The following TEX2 variants were observed in gnomAD, a reference collection of about 807,000 sequenced individuals.
TEX2 encodes the protein testis expressed 2, also known as testis-expressed protein 2.
In TEX2, 53 loss-of-function variants were observed where a neutral mutation model predicts 106.9. The observed-to-expected ratio is 0.50, with a 90% confidence interval of 0.40 to 0.62. The LOEUF (loss-of-function observed/expected upper bound fraction) is 0.62. TEX2 is among the 20% of genes least tolerant of loss of function. The pLI, the probability that TEX2 is intolerant of heterozygous loss-of-function variation, is 0.00. For missense variants in TEX2, 1,207 were observed against 1,379.0 expected, an observed-to-expected ratio of 0.88 and a Z score of 1.98; for synonymous variants, 523 against 534.8, an observed-to-expected ratio of 0.98 and a Z score of 0.30.
chr17:64,188,524 T>C, intron 4 of TEX2, 109 bp from the exon 5 acceptor site: 1 of 1,529,086 alleles, frequency 6.5e-7, no homozygotes, highest in South Asian at 1.3e-5. Context: ...TGTTTAAAAA[T>C]ATTTATAAGG....
intron 1 of TEX2, among the ~76,000 whole-genome samples, chr17:64,233,269 T>C (rs894073947): frequency 6.6e-6 from 1 of 152,102 alleles, no homozygotes; most frequent in Non-Finnish European, 1.5e-5. Flanking sequence ...TAGGAATGCA[T>C]TACACTTTAA....
intron 1 of TEX2, among the ~76,000 whole-genome samples, chr17:64,234,201 C>T (rs2033719215): frequency 6.6e-6 from 1 of 152,218 alleles, no homozygotes; most frequent in African/African-American, 2.4e-5. Flanking sequence ...TACAAGTACA[C>T]AGCATGGAAC....
At chr17:64,229,867 C>T (rs2033615643) in intron 1 of TEX2, among the ~76,000 whole-genome samples, 1 of 152,134 alleles carries the variant, frequency 6.6e-6, no homozygotes, top group Admixed American at 6.5e-5. Flanking sequence ...GGCCATTCAG[C>T]TTCTCAATGT....
At chr17:64,239,904 A>AAAAAAAAAAAAAAAAAAAAAAAAAG (rs781859721) in intron 1 of TEX2, among the ~76,000 whole-genome samples, 1 of 118,790 alleles carries the variant, frequency 8.4e-6, no homozygotes, top group African/African-American at 3.2e-5. Flanking sequence ...AAAAAAAAAA[A>AAAAAAAAAAAAAAAAAAAAAAAAAG]GCAGAGAAGA....
chr17:64,187,198 T>G (rs1338925379), intron 5 of TEX2, among the ~76,000 whole-genome samples: 2 of 152,198 alleles, frequency 1.3e-5, no homozygotes, highest in Non-Finnish European at 2.9e-5. Flanking sequence ...TCAGAGATGA[T>G]CCTAAGTCCG....
rs2032453649 is a variant in TEX2, at chr17:64,195,998, A to G, written c.1645-903T>C. Among the ~76,000 whole-genome samples, 1 of 152,326 alleles carries G rather than the reference A, an allele frequency of 6.6e-6. No homozygotes were observed. The highest frequency in any genetic ancestry group is 2.4e-5 in the African/African-American group (1 of 41,566). On this transcript the variant is annotated intron_variant, in intron 2 of 11. Transcript: ENST00000584379. The surrounding 1 kb of genome is among the most constrained non-coding windows in gnomAD (Gnocchi z 4.1). ...ACTCTCCCCAACTTTTTAAAAATAC[A>G]TGTCTTTGTAATGAGCAGAGAGATG...
At chr17:64,233,963 A>C (rs2033713379) in intron 1 of TEX2, among the ~76,000 whole-genome samples, 1 of 152,162 alleles carries the variant, frequency 6.6e-6, no homozygotes, top group Admixed American at 6.5e-5. Context: ...CCCAACTCAG[A>C]TCCTAGGTAC....
chr17:64,257,238 A>G (rs1344004289), intron 1 of TEX2, among the ~76,000 whole-genome samples: 1 of 152,180 alleles, frequency 6.6e-6, no homozygotes, highest in African/African-American at 2.4e-5. Context: ...CACATTTCCC[A>G]TTCTCCCAGC....
intron 2 of TEX2, among the ~76,000 whole-genome samples, chr17:64,210,633 G>GC (rs1555631382): frequency 4.8e-4 from 32 of 66,324 alleles, no homozygotes; most frequent in African/African-American, 1.6e-3. Flanking sequence ...CCAACCCCCA[G>GC]CTTTTTTTTT....
intron 6 of TEX2, among the ~76,000 whole-genome samples, chr17:64,174,098 G>A (rs1598139627): frequency 6.6e-6 from 1 of 151,768 alleles, no homozygotes; most frequent in Admixed American, 6.6e-5. Flanking sequence ...CCTCCACTTC[G>A]GCCTCCCGAA....
chr17:64,213,879 A>G lies in TEX2; in HGVS notation c.339T>C (p.Thr113=), dbSNP rs2033104243. Residue 113 remains threonine (T), a synonymous_variant, in exon 2 of 12, where the codon ACT becomes ACC. Transcript: ENST00000584379. This position sits in a 1 kb window ranked among gnomAD's most constrained non-coding sequence, Gnocchi z 4.4. ...GAACAGGGGACTCCAACAGCTTTAC[A>G]GTGTTCTTGGAGACGGGCAAAATGG... ...APAILPVSKN[T]VKLLESPVPA... is the part of the protein sequence containing the mutation. 7 of 1,614,074 alleles carry G rather than the reference A, an allele frequency of 4.3e-6. No individual in the cohort carries two copies. The highest frequency in any genetic ancestry group is 3.3e-4 in the Middle Eastern group (2 of 6,084).
chr17:64,181,720 T>C (rs1290878381), intron 5 of TEX2, among the ~76,000 whole-genome samples: 1 of 151,800 alleles, frequency 6.6e-6, no homozygotes, highest in African/African-American at 2.4e-5. Context: ...TTCTCCATGG[T>C]AGTCAGGCTG....
chr17:64,253,926 G>A (rs2034138250), intron 1 of TEX2, among the ~76,000 whole-genome samples: 1 of 152,090 alleles, frequency 6.6e-6, no homozygotes, highest in Non-Finnish European at 1.5e-5. Flanking sequence ...GATGCTCTGG[G>A]GATAGAGAGG....
chr17:64,149,330 T>G, intron 11 of TEX2: 1 of 467,222 alleles, frequency 2.1e-6, no homozygotes, highest in South Asian at 2.5e-5. Flanking sequence ...TGGCCTTTGA[T>G]TTTGTATACA....
At position 64,255,028 on chromosome 17, in the gene TEX2, C is replaced by CTT. The variant is rs566755382; in HGVS notation, c.-26+8138_-26+8139dup. ...TACAGGTGTGTGTCACTGCATCTGG[C>CTT]TTTTTTTTTTTTTTTTTTGTAGAGG... On this transcript the variant is annotated intron_variant, in intron 1 of 11. Coordinates refer to ENST00000584379, the MANE Select transcript of TEX2 (RefSeq NM_001288732.2). 4.3e-4 allele frequency among the ~76,000 whole-genome samples: 57 copies of CTT among 132,478 alleles called. 2 individuals are homozygous for CTT. Among genetic ancestry groups the CTT allele is most frequent in the Middle Eastern group, 3.8e-3 (1 of 262 alleles). 86.9% of individuals were successfully genotyped at this position (132,478 alleles called of 152,430 possible).
chr17:64,228,878 C>G (rs2033583333), intron 1 of TEX2, among the ~76,000 whole-genome samples: 1 of 151,234 alleles, frequency 6.6e-6, no homozygotes. Context: ...TTGTTTTTTA[C>G]TTACTATTTC....
chr17:64,162,962 G>T (rs2030955463), intron 7 of TEX2, among the ~76,000 whole-genome samples: 2 of 152,220 alleles, frequency 1.3e-5, no homozygotes, highest in African/African-American at 2.4e-5. Context: ...GTACTGGTCA[G>T]CCATGGAGCC....
At chr17:64,186,822 T>A (rs752697855) in intron 5 of TEX2, among the ~76,000 whole-genome samples, 17 of 148,482 alleles carry the variant, frequency 1.1e-4, no homozygotes, top group Non-Finnish European at 1.9e-4. Context: ...CGAGACCTTG[T>A]CTCAAAAAAA....
At chr17:64,157,149 TTA>T (rs1347942966) in intron 8 of TEX2, among the ~76,000 whole-genome samples, 1 of 152,222 alleles carries the variant, frequency 6.6e-6, no homozygotes, top group Non-Finnish European at 1.5e-5. Flanking sequence ...ATATTCATTT[TTA>T]TAAATGAACA....
Sources: allele counts gnomAD v4.1 joint callset (sites outside exome capture counted in the v4.1 genomes callset), GRCh38; gene constraint gnomAD v4.1.1; non-coding constraint Gnocchi (gnomAD v3.1); transcripts MANE v1.5; gene names NCBI Gene and HGNC (gene_info 2026-07-23, HGNC 2026-07-21).